Variants in EYS observed in about 807,000 individuals in gnomAD.
The protein encoded by EYS is protein eyes shut homolog.
Under a neutral mutation model 282.1 loss-of-function variants are expected in EYS, and 250 were observed. The observed-to-expected ratio is 0.89, with a 90% CI of 0.80 to 0.98. The LOEUF (loss-of-function observed/expected upper bound fraction) is 0.98. EYS is among the 50% of genes least tolerant of loss of function. The pLI is 0.00. For synonymous variants in EYS, 1,355 were observed against 1,282.9 expected (o/e 1.06, Z -1.20); for missense variants, 4,016 against 3,709.0 (o/e 1.08, Z -2.15).
chr6:64,510,375 C>T (rs934443278), intron 26 of EYS, among the ~76,000 whole-genome samples: 3 of 151,660 alleles, frequency 2.0e-5, no homozygotes, highest in Non-Finnish European at 2.9e-5. Flanking sequence ...TACTATCGCA[C>T]ATTGTTTTTT....
chr6:64,391,575 T>A (rs1409591511), intron 28 of EYS, among the ~76,000 whole-genome samples: 1 of 152,068 alleles, frequency 6.6e-6, no homozygotes, highest in Non-Finnish European at 1.5e-5. Context: ...AAGCAAATGC[T>A]GAGAGATTTT....
At chr6:64,330,723 C>T (rs1187905421) in intron 29 of EYS, among the ~76,000 whole-genome samples, 1 of 152,168 alleles carries the variant, frequency 6.6e-6, no homozygotes, top group Non-Finnish European at 1.5e-5. Flanking sequence ...AATTTGCGTG[C>T]CCCACATGGT....
chr6:64,526,571 T>C (rs533472754), intron 26 of EYS, among the ~76,000 whole-genome samples: 1 of 152,012 alleles, frequency 6.6e-6, no homozygotes, highest in African/African-American at 2.4e-5. Context: ...CATTATTATG[T>C]ATGTATACAA....
chr6:65,142,012 CAT>C (rs1200993283), intron 12 of EYS, among the ~76,000 whole-genome samples: 3 of 152,008 alleles, frequency 2.0e-5, no homozygotes, highest in Non-Finnish European at 2.9e-5. Context: ...GCAGAGCAAA[CAT>C]GTGTAACTCC....
chr6:63,747,871 C>A (rs1192805965), intron 41 of EYS, among the ~76,000 whole-genome samples: 1 of 151,840 alleles, frequency 6.6e-6, no homozygotes. Context: ...CTCCTGAATA[C>A]AGCACACCGA....
chr6:65,111,071 T>C (rs950295919), intron 12 of EYS, among the ~76,000 whole-genome samples: 5 of 152,052 alleles, frequency 3.3e-5, no homozygotes, highest in Non-Finnish European at 7.4e-5. Flanking sequence ...AATATGTGCA[T>C]AGAAAATATT....
intron 2 of EYS, among the ~76,000 whole-genome samples, chr6:65,627,256 A>G (rs1766736620): frequency 6.7e-6 from 1 of 150,108 alleles, no homozygotes; most frequent in African/African-American, 2.5e-5. Context: ...CATGAAAGAG[A>G]GAAAATATCC....
chr6:64,622,764 G>C (rs983744), intron 23 of EYS, among the ~76,000 whole-genome samples: 91,526 of 151,906 alleles, frequency 0.6, 27,717 homozygotes, highest in South Asian at 0.68. Flanking sequence ...AGGAATACTT[G>C]TGTAGTTTTC....
chr6:64,373,538 G>A (rs1031177926), intron 29 of EYS, among the ~76,000 whole-genome samples: 1 of 152,220 alleles, frequency 6.6e-6, no homozygotes, highest in African/African-American at 2.4e-5. Flanking sequence ...GCTCTAGTGG[G>A]TGTAGCCTGT....
At chr6:65,008,539 G>A (rs527370076) in intron 13 of EYS, among the ~76,000 whole-genome samples, 1 of 152,242 alleles carries the variant, frequency 6.6e-6, no homozygotes, top group South Asian at 2.1e-4. Flanking sequence ...GGAAAAGCTG[G>A]GAAAATTGAA....
At chr6:64,496,064 AT>A (rs1466889941) in intron 26 of EYS, among the ~76,000 whole-genome samples, 3 of 151,894 alleles carry the variant, frequency 2.0e-5, no homozygotes, top group African/African-American at 7.2e-5. Context: ...TTTAACACTC[AT>A]TTTAATCAAG....
At chr6:65,602,435 T>C (rs1765646472) in intron 2 of EYS, among the ~76,000 whole-genome samples, 1 of 151,976 alleles carries the variant, frequency 6.6e-6, no homozygotes, top group African/African-American at 2.4e-5. Context: ...ACATAAACAT[T>C]AATGAATTAA....
At chr6:63,895,399 A>G (rs189293976) in intron 35 of EYS, among the ~76,000 whole-genome samples, 1 of 152,308 alleles carries the variant, frequency 6.6e-6, no homozygotes, top group East Asian at 1.9e-4. Context: ...CACCTGTTTT[A>G]TTTTAGAGAT....
chr6:63,833,090 A>G (rs1771692575), intron 36 of EYS, among the ~76,000 whole-genome samples: 1 of 152,220 alleles, frequency 6.6e-6, no homozygotes, highest in Admixed American at 6.5e-5. Context: ...CCTATTTATG[A>G]CAAACCCACA....
chr6:63,793,509 G>A (rs1051705900), intron 37 of EYS, among the ~76,000 whole-genome samples: 51 of 152,218 alleles, frequency 3.4e-4, no homozygotes, highest in Non-Finnish European at 5.3e-4. Flanking sequence ...TTAAAGTGGC[G>A]TTGCACAATA....
intron 30 of EYS, among the ~76,000 whole-genome samples, chr6:64,264,900 T>A (rs1767705121): frequency 6.6e-6 from 1 of 151,838 alleles, no homozygotes. Flanking sequence ...TGAGACTGTC[T>A]CAAAAAACAA....
At chr6:65,333,565 T>C (rs561638860) in intron 11 of EYS, among the ~76,000 whole-genome samples, 213 of 151,816 alleles carry the variant, frequency 1.4e-3, no homozygotes, top group African/African-American at 4.8e-3. Context: ...ATTTATAGTG[T>C]TGTTTGAATC....
intron 12 of EYS, among the ~76,000 whole-genome samples, chr6:65,061,620 GT>G (rs771983052): frequency 6.6e-6 from 1 of 151,360 alleles, no homozygotes; most frequent in Non-Finnish European, 1.5e-5. Context: ...GTATTTCTAG[GT>G]CTATGTTTCA....
intron 5 of EYS, among the ~76,000 whole-genome samples, chr6:65,487,966 G>A (rs1371183963): frequency 6.6e-6 from 1 of 152,098 alleles, no homozygotes; most frequent in African/African-American, 2.4e-5. Context: ...TTGCATAGAG[G>A]TGTTTATACT....
Sources: allele counts gnomAD v4.1 joint callset (sites outside exome capture counted in the v4.1 genomes callset), GRCh38; gene constraint gnomAD v4.1.1; transcripts MANE v1.5; gene names NCBI Gene and HGNC (gene_info 2026-07-23, HGNC 2026-07-21).